Variants in MCPH1 observed in about 807,000 individuals in gnomAD.
MCPH1 encodes microcephalin.
A neutral mutation model predicts 84.5 loss-of-function variants in MCPH1; 104 were observed. The observed-to-expected ratio is 1.23, with a 90% CI of 1.05 to 1.45. The LOEUF (loss-of-function observed/expected upper bound fraction) is 1.45, where lower values mean the gene tolerates loss of function less well. Ranked by LOEUF, MCPH1 falls within the 40% of genes most tolerant of loss-of-function variation. The probability of loss-of-function intolerance (pLI) is 0.00; values close to 1 mark genes in which losing one functional copy is unlikely to be tolerated. For missense variants in MCPH1, 1,498 were observed against 1,005.7 expected (o/e 1.49, Z -6.62); for synonymous variants, 514 against 366.8 (o/e 1.40, Z -4.58).
At chr8:6,411,248 A>G (rs1437786936) in intron 2 of MCPH1, among the ~76,000 whole-genome samples, 2 of 152,200 alleles carry the variant, frequency 1.3e-5, no homozygotes, top group African/African-American at 4.8e-5. Context: ...CCTGAAAAGT[A>G]ACTTAAGCAA....
chr8:6,622,777 GTTCTC>G (rs1443350126), intron 13 of MCPH1, among the ~76,000 whole-genome samples: 5 of 152,118 alleles, frequency 3.3e-5, no homozygotes, highest in African/African-American at 2.4e-5. Flanking sequence ...GTGTCCAAAT[GTTCTC>G]TTCTCTAAGG....
chr8:6,544,553 C>T (rs775950991), intron 12 of MCPH1, among the ~76,000 whole-genome samples: 10 of 152,008 alleles, frequency 6.6e-5, no homozygotes, highest in Middle Eastern at 3.2e-3. Context: ...GAGAGTTTGT[C>T]GAAGTTTTTT....
chr8:6,447,484 C>A (rs1224316430), intron 8 of MCPH1: 2 of 884,210 alleles, frequency 2.3e-6, no homozygotes, highest in Non-Finnish European at 2.7e-6. Flanking sequence ...AAACAAGTTA[C>A]AAAGAGCTTC....
chr8:6,449,653 G>T (rs1804852710), intron 8 of MCPH1, among the ~76,000 whole-genome samples: 1 of 151,060 alleles, frequency 6.6e-6, no homozygotes, highest in South Asian at 2.1e-4. Flanking sequence ...AAAAAAAAAA[G>T]AAATAGGAAA....
chr8:6,508,616 A>T (rs1814276499), intron 12 of MCPH1: 2 of 485,486 alleles, frequency 4.1e-6, no homozygotes, highest in East Asian at 6.6e-5. Context: ...AAATGTAATT[A>T]AACCATCTCT....
chr8:6,515,856 A>C (rs1816162828), intron 12 of MCPH1, among the ~76,000 whole-genome samples: 1 of 152,224 alleles, frequency 6.6e-6, no homozygotes, highest in South Asian at 2.1e-4. Context: ...TTTACGAGTT[A>C]GAATCCTAAA....
intron 12 of MCPH1, among the ~76,000 whole-genome samples, chr8:6,528,062 A>AT (rs71535978): frequency 0.37 from 56,782 of 151,612 alleles, 10,789 homozygotes; most frequent in Middle Eastern, 0.48. Flanking sequence ...TACCCAGCTA[A>AT]TTTTTTATAT....
At chr8:6,596,731 A>C (rs1049453709) in intron 12 of MCPH1, among the ~76,000 whole-genome samples, 8 of 152,200 alleles carry the variant, frequency 5.3e-5, no homozygotes, top group Non-Finnish European at 1.2e-4. Flanking sequence ...AACGATGCCA[A>C]AAAACGGTAG....
chr8:6,442,492 A>G (rs752697553), intron 7 of MCPH1, among the ~76,000 whole-genome samples: 3 of 152,236 alleles, frequency 2.0e-5, no homozygotes, highest in Non-Finnish European at 4.4e-5. Context: ...GTTGTTTCAC[A>G]CAATGTATAA....
intron 12 of MCPH1, among the ~76,000 whole-genome samples, chr8:6,557,031 G>A (rs1002793534): frequency 4.6e-5 from 7 of 152,168 alleles, no homozygotes; most frequent in Admixed American, 1.3e-4. Context: ...CCCCACCTAG[G>A]AGGGGTGGGC....
intron 3 of MCPH1, among the ~76,000 whole-genome samples, chr8:6,424,641 C>T (rs73516744): frequency 0.012 from 1,825 of 152,336 alleles, 40 homozygotes; most frequent in African/African-American, 0.043. Context: ...TCTGATGTGT[C>T]CTCCTAATAT....
At chr8:6,638,401 G>A (rs531848777) in intron 13 of MCPH1, among the ~76,000 whole-genome samples, 7 of 152,192 alleles carry the variant, frequency 4.6e-5, no homozygotes, top group African/African-American at 1.7e-4. Flanking sequence ...ACACTTGGAT[G>A]CTGGCAATCG....
intron 3 of MCPH1, among the ~76,000 whole-genome samples, chr8:6,431,267 C>T (rs754276445): frequency 2.6e-5 from 4 of 152,128 alleles, no homozygotes; most frequent in Admixed American, 6.5e-5. Flanking sequence ...AAAAATTGTA[C>T]TTCCTTTACC....
At chr8:6,408,825 A>T (rs1425857643) in intron 1 of MCPH1, among the ~76,000 whole-genome samples, 2 of 152,000 alleles carry the variant, frequency 1.3e-5, no homozygotes, top group Non-Finnish European at 2.9e-5. Context: ...GGCCTTCCAG[A>T]GTGCTGCAAT....
chr8:6,516,066 A>T (rs2515427), intron 12 of MCPH1, among the ~76,000 whole-genome samples: 12 of 152,188 alleles, frequency 7.9e-5, no homozygotes, highest in African/African-American at 2.9e-4. Context: ...AAGGTCACCC[A>T]GCTCGTATTG....
In MCPH1 at chr8:6,436,159, C is replaced by G. The variant is rs139607465; in HGVS notation, c.433C>G (p.Leu145Val). The G allele has an allele frequency of 3.8e-5, 62 of 1,612,622 alleles. No individual in the cohort carries two copies. In the Middle Eastern group the frequency reaches 1.4e-3, roughly 36 times the overall value. ...AKELQRQKTN[L>V]DDDVPILLFE... ...AGAGCTACAAAGGCAAAAAACAAAT[C>G]TAGGTAAGCTAAGAAATATAATACA... The change falls in exon 5 of 14, where the codon CTA (leucine) becomes GTA (valine). Residue 145 changes from leucine to valine, a missense_variant. Transcript: ENST00000344683.
chr8:6,628,899 A>G (rs1796959050), intron 13 of MCPH1, among the ~76,000 whole-genome samples: 1 of 152,202 alleles, frequency 6.6e-6, no homozygotes, highest in Admixed American at 6.5e-5. Flanking sequence ...TTATGACTGT[A>G]GGAGAGATTT....
At chr8:6,517,579 C>T (rs2922900) in intron 12 of MCPH1, among the ~76,000 whole-genome samples, 35,655 of 152,132 alleles carry the variant, frequency 0.23, 5,343 homozygotes, top group Middle Eastern at 0.42. Flanking sequence ...AGTGCAGAAT[C>T]GGGTCTCCTG....
At chr8:6,577,055 C>T (rs1022162746) in intron 12 of MCPH1, among the ~76,000 whole-genome samples, 6 of 152,176 alleles carry the variant, frequency 3.9e-5, no homozygotes, top group Non-Finnish European at 8.8e-5. Context: ...ACTGGAATTA[C>T]GCTCTGGACA....
Sources: gnomAD v4.1 joint callset for allele counts (sites outside exome capture counted in the v4.1 genomes callset) on GRCh38, gnomAD v4.1.1 for gene constraint, MANE v1.5 for transcripts, NCBI Gene and HGNC (gene_info 2026-07-23, HGNC 2026-07-21) for gene names.